The following CFAP58 variants were observed in gnomAD, a reference collection of about 807,000 sequenced individuals.
The protein encoded by CFAP58 is cilia and flagella associated protein 58.
In CFAP58, 88 loss-of-function variants were observed where a neutral mutation model predicts 119.5. The ratio of observed to expected loss-of-function variants is 0.74; its 90% CI spans 0.62 to 0.88. The LOEUF is 0.88. CFAP58 is among the 40% of genes least tolerant of loss of function. The pLI, the probability that CFAP58 is intolerant of heterozygous loss-of-function variation, is 0.00. For missense variants in CFAP58, 990 were observed against 1,021.2 expected, an observed-to-expected ratio of 0.97 and a Z score of 0.42; for synonymous variants, 365 against 366.3, an observed-to-expected ratio of 1.00 and a Z score of 0.04.
chr10:104,438,967 A>G (rs2012990356), intron 15 of CFAP58, among the ~76,000 whole-genome samples: 1 of 152,238 alleles, frequency 6.6e-6, no homozygotes. Flanking sequence ...TTTATGGTTC[A>G]ATAAATCTTA....
At chr10:104,388,189 T>G (rs147684890) in intron 9 of CFAP58, among the ~76,000 whole-genome samples, 54 of 152,338 alleles carry the variant, frequency 3.5e-4, no homozygotes, top group Non-Finnish European at 6.9e-4. Flanking sequence ...CTTCATATCA[T>G]TACTTTTCCT....
At chr10:104,423,119 T>C (rs2012687719) in intron 15 of CFAP58, among the ~76,000 whole-genome samples, 1 of 152,236 alleles carries the variant, frequency 6.6e-6, no homozygotes, top group African/African-American at 2.4e-5. Flanking sequence ...TTTTATTCCC[T>C]TTATTTAGGA....
intron 15 of CFAP58, among the ~76,000 whole-genome samples, chr10:104,429,709 G>A (rs1190711779): frequency 2.6e-5 from 4 of 152,074 alleles, no homozygotes; most frequent in South Asian, 4.1e-4. Flanking sequence ...CAAGGTACAC[G>A]TTTATACCAT....
intron 15 of CFAP58, among the ~76,000 whole-genome samples, chr10:104,415,042 A>G (rs997169251): frequency 2.0e-5 from 3 of 152,284 alleles, no homozygotes; most frequent in South Asian, 2.1e-4. Flanking sequence ...TCCGGGGTCA[A>G]TGACACAGAC....
intron 12 of CFAP58, 22 bp downstream of exon 12, chr10:104,399,522 C>G (rs1564892207): frequency 5.0e-6 from 8 of 1,609,110 alleles, no homozygotes; most frequent in Non-Finnish European, 6.8e-6. Context: ...CCTTGTCAGA[C>G]TTGCAGACCT....
chr10:104,381,318 T>G (rs2011797836), intron 9 of CFAP58, among the ~76,000 whole-genome samples: 1 of 152,200 alleles, frequency 6.6e-6, no homozygotes, highest in Non-Finnish European at 1.5e-5. Flanking sequence ...GGATTTCATT[T>G]TAGCCAGCTG....
At chr10:104,432,755 C>T (rs1482372771) in intron 15 of CFAP58, among the ~76,000 whole-genome samples, 1 of 152,192 alleles carries the variant, frequency 6.6e-6, no homozygotes. Flanking sequence ...CCTGCCTTGG[C>T]CTCCAAAACT....
chr10:104,434,232 A>G (rs2012895066), intron 15 of CFAP58, among the ~76,000 whole-genome samples: 1 of 152,198 alleles, frequency 6.6e-6, no homozygotes, highest in Non-Finnish European at 1.5e-5. Context: ...TTACTATTTT[A>G]TGGGTAACTG....
intron 15 of CFAP58, among the ~76,000 whole-genome samples, chr10:104,444,177 C>T (rs1426701304): frequency 6.6e-6 from 1 of 152,162 alleles, no homozygotes; most frequent in Non-Finnish European, 1.5e-5. Flanking sequence ...CACCAGAAAA[C>T]TCGGAATAAA....
chr10:104,384,777 CT>C (rs1268970335), intron 9 of CFAP58, among the ~76,000 whole-genome samples: 1 of 152,232 alleles, frequency 6.6e-6, no homozygotes, highest in African/African-American at 2.4e-5. Context: ...TGATATTTGC[CT>C]TGGTTTGAAA....
chr10:104,392,386 G>A lies in CFAP58; in HGVS notation c.1519G>A (p.Glu507Lys), dbSNP rs1458938555. The A allele has an allele frequency of 1.3e-6, 2 of 1,581,332 alleles. No homozygotes were observed. Among genetic ancestry groups the A allele is most frequent in the Admixed American group, 1.9e-5 (1 of 53,066 alleles). The stretch of plus-strand genomic sequence containing the variant: ...AAATCTGTATAGCAAAAATCTGGTT[G>A]AGGCTCAGGTAAATAATATATTTAT... Reference protein sequence around the residue: ...DRNLYSKNLVEAQDEITDMKR... With the variant: ...DRNLYSKNLVKAQDEITDMKR... The change falls in exon 10 of 18, where the codon GAG (glutamate) becomes AAG (lysine). Residue 507 changes from glutamate (E) to lysine (K), a missense_variant. By Grantham distance (56) the Glu-to-Lys change is moderately conservative (BLOSUM62 1). Transcript: ENST00000369704.
chr10:104,400,530 T>C (rs2012242300), intron 12 of CFAP58, 150 bp from the exon 13 acceptor site: 3 of 645,902 alleles, frequency 4.6e-6, no homozygotes, highest in South Asian at 1.8e-5. Context: ...CCAGTGTTGA[T>C]TGTCTAGCCA....
intron 15 of CFAP58, among the ~76,000 whole-genome samples, chr10:104,441,275 T>C (rs548683848): frequency 1.3e-5 from 2 of 152,222 alleles, no homozygotes; most frequent in Non-Finnish European, 2.9e-5. Context: ...AGTGCTGGGA[T>C]TACAGGCGTG....
intron 15 of CFAP58, among the ~76,000 whole-genome samples, chr10:104,433,280 A>C (rs2012879668): frequency 6.6e-6 from 1 of 152,148 alleles, no homozygotes; most frequent in Admixed American, 6.5e-5. Flanking sequence ...TTTTTGTAGA[A>C]TCTTGCTATG....
At chr10:104,370,798 G>C (rs1387964314) in intron 6 of CFAP58, 97 bp from the exon 7 acceptor site, 5 of 1,116,214 alleles carry the variant, frequency 4.5e-6, no homozygotes, top group Non-Finnish European at 6.2e-6. Flanking sequence ...AAATGCCATG[G>C]GAAGAATTTC....
chr10:104,407,191 T>C (rs1224353053), intron 15 of CFAP58, among the ~76,000 whole-genome samples: 1 of 152,262 alleles, frequency 6.6e-6, no homozygotes, highest in Non-Finnish European at 1.5e-5. Flanking sequence ...TGAAGATTTA[T>C]GTGAGTGAAA....
At chr10:104,382,869 T>C (rs1463891008) in intron 9 of CFAP58, among the ~76,000 whole-genome samples, 4 of 152,158 alleles carry the variant, frequency 2.6e-5, no homozygotes, top group Non-Finnish European at 1.5e-5. Flanking sequence ...AATTACCCAG[T>C]CACAGGGAAG....
intron 9 of CFAP58, among the ~76,000 whole-genome samples, chr10:104,384,988 T>A (rs1468245814): frequency 6.6e-6 from 1 of 152,098 alleles, no homozygotes; most frequent in African/African-American, 2.4e-5. Flanking sequence ...GATGGAGGAA[T>A]TGCAGAAAAC....
chr10:104,362,055 A>C lies in CFAP58; in HGVS notation c.324A>C (p.Ser108=). The change falls in exon 3 of 18, where the codon TCA becomes TCC. Residue 108 remains serine (S), a synonymous_variant. Transcript: ENST00000369704. ...AAAAGGCCTGGAAGATGGTGGACTC[A>C]GCCTATGACAAAGAGCAGAAGGCCA... ...EIEKAWKMVD[S]AYDKEQKAKE... The C allele has an allele frequency of 6.2e-7, 1 of 1,614,096 alleles. No homozygotes were observed. The highest frequency in any genetic ancestry group is 8.5e-7 in the Non-Finnish European group (1 of 1,179,986).
Sources: allele counts gnomAD v4.1 joint callset (sites outside exome capture counted in the v4.1 genomes callset), GRCh38; gene constraint gnomAD v4.1.1; transcripts MANE v1.5; gene names NCBI Gene and HGNC (gene_info 2026-07-23, HGNC 2026-07-21).